WDR19: variants seen among roughly 807,000 people sequenced by gnomAD.
WDR19 encodes WD repeat-containing protein 19.
In WDR19, 121 loss-of-function variants were observed where a neutral mutation model predicts 180.0. The ratio of observed to expected loss-of-function variants is 0.67; its 90% CI spans 0.58 to 0.78. The LOEUF is 0.78. Among genes scored for constraint, WDR19 ranks in the 30% least tolerant of loss-of-function variants. The pLI is 0.00. For missense variants in WDR19, 1,450 were observed against 1,640.7 expected (o/e 0.88, Z 2.01); for synonymous variants, 497 against 540.7 (o/e 0.92, Z 1.12).
chr4:39,280,125 T>G (rs1390151791), intron 36 of WDR19, among the ~76,000 whole-genome samples: 3 of 107,030 alleles, frequency 2.8e-5, no homozygotes, highest in African/African-American at 8.1e-5. Flanking sequence ...TCTTGTTTTT[T>G]TTTTTTTTTT....
At chr4:39,284,989 T>TAGG (rs1737024254) in intron 36 of WDR19, among the ~76,000 whole-genome samples, 1 of 151,806 alleles carries the variant, frequency 6.6e-6, no homozygotes, top group African/African-American at 2.4e-5. Flanking sequence ...CTCAGGGCTC[T>TAGG]AGGAGACTAT....
At chr4:39,266,599 C>T (rs1308178549) in intron 29 of WDR19, among the ~76,000 whole-genome samples, 1 of 152,178 alleles carries the variant, frequency 6.6e-6, no homozygotes, top group African/African-American at 2.4e-5. Context: ...TAACAATCCT[C>T]ACCACATACA....
intron 5 of WDR19, among the ~76,000 whole-genome samples, chr4:39,197,610 A>G (rs1484705160): frequency 6.6e-6 from 1 of 152,066 alleles, no homozygotes; most frequent in Non-Finnish European, 1.5e-5. Context: ...TATCTATCCC[A>G]AGACCTTCAG....
At chr4:39,252,057 A>G (rs985751211) in intron 24 of WDR19, among the ~76,000 whole-genome samples, 2 of 152,096 alleles carry the variant, frequency 1.3e-5, no homozygotes, top group Non-Finnish European at 2.9e-5. Context: ...ACACATGCAC[A>G]CGTATGTTTA....
intron 20 of WDR19, among the ~76,000 whole-genome samples, chr4:39,235,776 A>C (rs1195994399): frequency 6.6e-6 from 1 of 152,160 alleles, no homozygotes; most frequent in African/African-American, 2.4e-5. Context: ...AGGAACTCAA[A>C]CAACTCAACA....
Position 39,185,784 on chromosome 4 carries a change from A to G in WDR19, c.65A>G (p.Gln22Arg). ...WLGAPIQFAW[Q>R]KTSGNYLAVT... is the part of the protein sequence containing the mutation. Reference sequence around the variant, plus strand: ...GGCGCACCAATACAGTTTGCCTGGCAAAAAACATCAGGAAACTACCTTGCA... The same window carrying G: ...GGCGCACCAATACAGTTTGCCTGGCGAAAAACATCAGGAAACTACCTTGCA... The change falls in exon 2 of 37, where the codon CAA becomes CGA. Residue 22 changes from glutamine to arginine, a missense_variant. Physicochemically the swap from Gln to Arg is conservative, Grantham distance 43 (BLOSUM62 1). Transcript: ENST00000399820. The G allele has an allele frequency of 6.4e-7, 1 of 1,558,086 alleles. No homozygotes were observed. Among genetic ancestry groups the G allele is most frequent in the Non-Finnish European group, 8.7e-7 (1 of 1,149,920 alleles).
intron 15 of WDR19, among the ~76,000 whole-genome samples, chr4:39,226,428 A>G (rs567296059): frequency 2.2e-4 from 34 of 152,238 alleles, no homozygotes; most frequent in Non-Finnish European, 4.7e-4. Context: ...TGATGCATGT[A>G]AGCTTTTAGT....
intron 20 of WDR19, among the ~76,000 whole-genome samples, chr4:39,239,036 G>A (rs1302080421): frequency 6.6e-6 from 1 of 152,068 alleles, no homozygotes; most frequent in Non-Finnish European, 1.5e-5. Flanking sequence ...GAGTACAGTG[G>A]CGCAATTTCA....
intron 31 of WDR19, among the ~76,000 whole-genome samples, chr4:39,272,599 A>T (rs1488320108): frequency 6.6e-6 from 1 of 152,230 alleles, no homozygotes; most frequent in Non-Finnish European, 1.5e-5. Flanking sequence ...TAGCACAGAC[A>T]CGGCGCCTTT....
intron 6 of WDR19, among the ~76,000 whole-genome samples, chr4:39,202,985 T>C (rs1727533179): frequency 6.6e-6 from 1 of 152,146 alleles, no homozygotes; most frequent in Non-Finnish European, 1.5e-5. Context: ...GATCCTTCCA[T>C]ATTTTATGTT....
At chr4:39,245,901 A>G (rs780982308) in intron 24 of WDR19, among the ~76,000 whole-genome samples, 3 of 152,176 alleles carry the variant, frequency 2.0e-5, no homozygotes, top group Non-Finnish European at 4.4e-5. Context: ...TTTTAACCGT[A>G]TTTAAAAATG....
At chr4:39,187,289 A>T (rs1242817205) in intron 3 of WDR19, among the ~76,000 whole-genome samples, 1 of 151,992 alleles carries the variant, frequency 6.6e-6, no homozygotes, top group Admixed American at 6.6e-5. Context: ...GCGTGGTGGC[A>T]TGCGCCTGTA....
In WDR19 at chr4:39,257,565, T is replaced by G. The variant is rs1423063087; in HGVS notation, c.3183+11T>G. The stretch of plus-strand genomic sequence containing the variant: ...ATGGCAATTGAAACTGTAAGTACGC[T>G]TTCAATGAAACTTTCAATAATGCCA... On this transcript the variant is annotated intron_variant, in intron 28 of 36. Coordinates refer to ENST00000399820, the MANE Select transcript of WDR19 (RefSeq NM_025132.4). 1 of 1,568,386 alleles carries G rather than the reference T, an allele frequency of 6.4e-7. No homozygotes were observed. The highest frequency in any genetic ancestry group is 8.6e-7 in the Non-Finnish European group (1 of 1,157,422).
intron 15 of WDR19, among the ~76,000 whole-genome samples, chr4:39,227,803 T>C (rs2109356626): frequency 6.6e-6 from 1 of 152,336 alleles, no homozygotes; most frequent in East Asian, 1.9e-4. Context: ...TTCAATCATG[T>C]GAGTTAATTT....
chr4:39,282,490 C>T (rs192154037), intron 36 of WDR19, among the ~76,000 whole-genome samples: 18 of 152,198 alleles, frequency 1.2e-4, no homozygotes, highest in African/African-American at 3.4e-4. Flanking sequence ...CTCTGCCTCC[C>T]GGGTTCAAGT....
At chr4:39,213,616 A>G (rs147030144) in intron 9 of WDR19, among the ~76,000 whole-genome samples, 29 of 152,320 alleles carry the variant, frequency 1.9e-4, no homozygotes, top group African/African-American at 6.5e-4. Flanking sequence ...TAAAAAGGCA[A>G]CATGAGAGAT....
At chr4:39,245,899 G>A (rs527738251) in intron 24 of WDR19, among the ~76,000 whole-genome samples, 4 of 152,042 alleles carry the variant, frequency 2.6e-5, no homozygotes, top group South Asian at 2.1e-4. Context: ...TATTTTAACC[G>A]TATTTAAAAA....
At chr4:39,254,170 T>A in intron 26 of WDR19, 140 bp downstream of exon 26, 1 of 722,882 alleles carries the variant, frequency 1.4e-6, no homozygotes, top group Non-Finnish European at 2.0e-6. Context: ...TAGACACACA[T>A]GTATCTATGT....
intron 14 of WDR19, among the ~76,000 whole-genome samples, chr4:39,221,138 AAGGT>A (rs1289005756): frequency 6.6e-6 from 1 of 152,188 alleles, no homozygotes; most frequent in Non-Finnish European, 1.5e-5. Context: ...ATACATCAGT[AAGGT>A]AGGTCTCATA....
Sources: gnomAD v4.1 joint callset for allele counts (sites outside exome capture counted in the v4.1 genomes callset) on GRCh38, gnomAD v4.1.1 for gene constraint, MANE v1.5 for transcripts, NCBI Gene and HGNC (gene_info 2026-07-23, HGNC 2026-07-21) for gene names.